The following PUM3 variants were observed in gnomAD, a reference collection of about 807,000 sequenced individuals.
PUM3 encodes the protein pumilio RNA binding family member 3.
In PUM3, 91 loss-of-function variants were observed where a neutral mutation model predicts 84.0. The ratio of observed to expected loss-of-function variants is 1.08; its 90% CI spans 0.91 to 1.29. PUM3 has a LOEUF of 1.29. Ranked by LOEUF, PUM3 falls within the 50% of genes most tolerant of loss-of-function variation. PUM3 has a pLI of 0.00. For missense variants in PUM3, 1,067 were observed against 767.5 expected (o/e 1.39, Z -4.61); for synonymous variants, 321 against 266.7 (o/e 1.20, Z -1.98).
intron 15 of PUM3, 106 bp from the exon 16 acceptor site, chr9:2,810,537 G>A (rs1821345599): frequency 1.3e-6 from 1 of 741,246 alleles, no homozygotes; most frequent in Non-Finnish European, 2.2e-6. Context: ...TAAGGACTCA[G>A]CCACTTTTAA....
At chr9:2,812,647 G>A (rs553815963) in intron 13 of PUM3, among the ~76,000 whole-genome samples, 3 of 152,178 alleles carry the variant, frequency 2.0e-5, no homozygotes, top group Admixed American at 6.5e-5. Flanking sequence ...GTACTTCATG[G>A]AAAATGTGGA....
chr9:2,822,042 A>G, intron 12 of PUM3, among the ~76,000 whole-genome samples: 1 of 152,198 alleles, frequency 6.6e-6, no homozygotes, highest in Non-Finnish European at 1.5e-5. Flanking sequence ...CACTGGTTTC[A>G]GTTCTCTTAA....
At position 2,837,162 on chromosome 9, in the gene PUM3, GAACGAACCAGTA is replaced by G. The variant is rs762529123; in HGVS notation, c.304+6_304+17del. 7.2e-5 allele frequency: 116 copies of G among 1,607,032 alleles called. No individual in the cohort carries two copies. The highest frequency in any genetic ancestry group is 2.0e-5 in the Non-Finnish European group (24 of 1,173,906). On this transcript the variant is annotated splice_donor_region_variant and intron_variant, in intron 3 of 17. Coordinates refer to ENST00000397885, the MANE Select transcript of PUM3 (RefSeq NM_014878.5). The stretch of plus-strand genomic sequence containing the variant: ...ATCGTTCAGGCACTAGTTCAGGCAT[GAACGAACCAGTA>G]CTTACCATCGCTTCTACCATCTGGC...
chr9:2,820,233 T>C (rs1336765014), intron 12 of PUM3, 135 bp from the exon 13 acceptor site: 1 of 518,606 alleles, frequency 1.9e-6, no homozygotes, highest in African/African-American at 1.9e-5. Context: ...TTACCTACAT[T>C]GACAACTTGT....
At chr9:2,804,582 A>G (rs1821223995) in intron 17 of PUM3, 119 bp from the exon 18 acceptor site, 1 of 855,450 alleles carries the variant, frequency 1.2e-6, no homozygotes, top group Non-Finnish European at 1.7e-6. Context: ...CTATATACAC[A>G]TTATTTTTCA....
At chr9:2,805,652 G>A (rs1821242601) in intron 17 of PUM3, among the ~76,000 whole-genome samples, 1 of 152,024 alleles carries the variant, frequency 6.6e-6, no homozygotes, top group Non-Finnish European at 1.5e-5. Context: ...CATACATCTT[G>A]GCTAAACACA....
chr9:2,805,261 C>T (rs139120187), intron 17 of PUM3, among the ~76,000 whole-genome samples: 63 of 152,280 alleles, frequency 4.1e-4, no homozygotes, highest in African/African-American at 1.2e-3. Flanking sequence ...CCGGCCTCTG[C>T]GTTCTGAAAC....
chr9:2,833,884 C>T (rs1816050750), intron 4 of PUM3, 147 bp downstream of exon 4: 1 of 689,516 alleles, frequency 1.5e-6, no homozygotes, highest in Non-Finnish European at 2.4e-6. Context: ...CTTCCAAGTA[C>T]TGATGTCTCT....
At chr9:2,826,717 G>A (rs1815830815) in intron 10 of PUM3, among the ~76,000 whole-genome samples, 1 of 152,004 alleles carries the variant, frequency 6.6e-6, no homozygotes, top group Admixed American at 6.6e-5. Context: ...TTAATGCCAA[G>A]CTAATTTTTT....
intron 13 of PUM3, among the ~76,000 whole-genome samples, chr9:2,817,514 A>G (rs558070855): frequency 2.0e-5 from 3 of 152,342 alleles, no homozygotes; most frequent in African/African-American, 7.2e-5. Context: ...CACAAACATG[A>G]GAAAAGAAAA....
intron 3 of PUM3, among the ~76,000 whole-genome samples, chr9:2,834,812 G>A (rs888754389): frequency 3.5e-5 from 5 of 143,634 alleles, no homozygotes; most frequent in Non-Finnish European, 7.7e-5. Context: ...CACAAACAGA[G>A]TGATACTATA....
Position 2,817,443 on chromosome 9 carries a change from G to C in PUM3, c.1269+2575C>G, listed in dbSNP as rs1398265796. ...ATAGGACCATATATACCCCACAAAG[G>C]CTAAAATAATTATTAACTGGCCCTT... On this transcript the variant is annotated intron_variant, in intron 13 of 17. Transcript: ENST00000397885. Among the ~76,000 whole-genome samples, 6 of 152,144 alleles carry C rather than the reference G, an allele frequency of 3.9e-5. No individual in the cohort carries two copies. In the East Asian group the frequency reaches 1.2e-3, roughly 29 times the overall value.
chr9:2,830,068 G>T, intron 7 of PUM3, 120 bp from the exon 8 acceptor site: 1 of 771,282 alleles, frequency 1.3e-6, no homozygotes, highest in Non-Finnish European at 2.1e-6. Context: ...AGGAGTAAAT[G>T]AGCTAGCATG....
intron 11 of PUM3, 61 bp from the exon 12 acceptor site, chr9:2,823,895 T>C (rs900602195): frequency 6.3e-6 from 5 of 790,850 alleles, no homozygotes; most frequent in Non-Finnish European, 1.0e-5. Context: ...ATTTTGTAGT[T>C]AAACATTTTA....
Position 2,841,584 on chromosome 9 carries a change from T to C in PUM3, c.-11+2461A>G, listed in dbSNP as rs566696491. 1.1e-3 allele frequency among the ~76,000 whole-genome samples: 160 copies of C among 152,134 alleles called. 4 individuals carry two copies. In the South Asian group the frequency reaches 0.03, roughly 29 times the overall value. ...CTCTATTTCAAATGTTAAACTACCATAGCAATTAATAAACATTTCAGACAA... is the reference window on the plus strand; with the variant it reads ...CTCTATTTCAAATGTTAAACTACCACAGCAATTAATAAACATTTCAGACAA... On this transcript the variant is annotated intron_variant, in intron 1 of 17. Transcript: ENST00000397885.
At chr9:2,831,727 T>C (rs1403134655) in intron 5 of PUM3, among the ~76,000 whole-genome samples, 1 of 152,224 alleles carries the variant, frequency 6.6e-6, no homozygotes, top group African/African-American at 2.4e-5. Context: ...TACTGTATGA[T>C]TTTTATATAA....
chr9:2,823,413 G>A (rs1435343728), intron 12 of PUM3, among the ~76,000 whole-genome samples: 1 of 152,000 alleles, frequency 6.6e-6, no homozygotes, highest in Non-Finnish European at 1.5e-5. Flanking sequence ...AGTGCAATCT[G>A]GCATCATTTA....
intron 3 of PUM3, 104 bp downstream of exon 3, chr9:2,837,076 G>C (rs140734492): frequency 1.0e-6 from 1 of 968,878 alleles, no homozygotes; most frequent in South Asian, 1.5e-5. Flanking sequence ...GTCCCAAAAT[G>C]TTACCTGCCA....
chr9:2,844,066 G>C lies in PUM3; in HGVS notation c.-32C>G, dbSNP rs895921226. 1 of 158,656 alleles carries C rather than the reference G, an allele frequency of 6.3e-6. No homozygotes were observed. Among genetic ancestry groups the C allele is most frequent in the African/African-American group, 2.4e-5 (1 of 41,572 alleles). The allele number at this position is 158,656 out of a possible 1,614,324, so 9.8% of individuals were successfully genotyped here. A position where few individuals can be genotyped will look rare whatever the true frequency, so the allele number is the denominator to read the frequency against. On this transcript the variant is annotated 5_prime_UTR_variant, in exon 1 of 18. Transcript: ENST00000397885. ...TCACCGCACACGTGGGACCGAGACA[G>C]CTCGCGCAGCGGATCCCGACCGCCT... is the stretch of plus-strand genomic sequence containing the variant.
Sources: gnomAD v4.1 joint callset for allele counts (sites outside exome capture counted in the v4.1 genomes callset) on GRCh38, gnomAD v4.1.1 for gene constraint, MANE v1.5 for transcripts, NCBI Gene and HGNC (gene_info 2026-07-23, HGNC 2026-07-21) for gene names.